The following DCC variants were observed in gnomAD, a reference collection of about 807,000 sequenced individuals.
DCC encodes the protein DCC netrin 1 receptor.
Under a neutral mutation model 172.5 loss-of-function variants are expected in DCC, and 58 were observed. The observed-to-expected ratio is 0.34, with a 90% CI of 0.27 to 0.42. DCC has a LOEUF of 0.42. DCC is among the 10% of genes least tolerant of loss of function. The pLI is 1.00. For synonymous variants in DCC, 709 were observed against 644.5 expected (o/e 1.10, Z -1.52); for missense variants, 1,740 against 1,791.0 (o/e 0.97, Z 0.51).
At chr18:52,958,085 G>T (rs144060126) in intron 5 of DCC, among the ~76,000 whole-genome samples, 2,041 of 152,222 alleles carry the variant, frequency 0.013, 60 homozygotes, top group African/African-American at 0.047. Context: ...AAAAAAAATG[G>T]AGTGGCACAT....
intron 12 of DCC, among the ~76,000 whole-genome samples, chr18:53,232,404 G>T (rs1281562753): frequency 6.6e-6 from 1 of 152,090 alleles, no homozygotes. Context: ...GATGTTGTGG[G>T]TGGTCACATT....
chr18:52,684,314 T>A (rs995376574), intron 1 of DCC, among the ~76,000 whole-genome samples: 1 of 152,078 alleles, frequency 6.6e-6, no homozygotes, highest in African/African-American at 2.4e-5. Flanking sequence ...AACCAGCAAT[T>A]TAAAAATGTG....
At chr18:53,223,777 T>C (rs374021005) in intron 12 of DCC, among the ~76,000 whole-genome samples, 20 of 152,182 alleles carry the variant, frequency 1.3e-4, no homozygotes, top group African/African-American at 4.8e-4. Flanking sequence ...AAAACAACTT[T>C]TAAAATGCAA....
chr18:52,832,735 T>C (rs908569136), intron 2 of DCC, among the ~76,000 whole-genome samples: 4 of 152,172 alleles, frequency 2.6e-5, no homozygotes, highest in African/African-American at 9.7e-5. Context: ...TGCAACTTCA[T>C]TGCCCTTTTA....
intron 14 of DCC, among the ~76,000 whole-genome samples, chr18:53,337,349 C>A (rs2057603220): frequency 6.6e-6 from 1 of 152,162 alleles, no homozygotes; most frequent in Non-Finnish European, 1.5e-5. Context: ...ATAGTTAGTG[C>A]AAACACTTCA....
At chr18:52,740,204 C>T (rs1158618258) in intron 1 of DCC, among the ~76,000 whole-genome samples, 3 of 152,082 alleles carry the variant, frequency 2.0e-5, no homozygotes, top group African/African-American at 7.2e-5. Context: ...CCCAAGTCTT[C>T]CCCCATGGAA....
At chr18:52,846,362 C>T (rs1375320953) in intron 2 of DCC, among the ~76,000 whole-genome samples, 3 of 151,656 alleles carry the variant, frequency 2.0e-5, no homozygotes, top group South Asian at 2.1e-4. Context: ...GGCAACATGG[C>T]GAATGCTTTC....
chr18:53,466,421 G>A (rs2045621738), intron 24 of DCC, among the ~76,000 whole-genome samples: 1 of 152,148 alleles, frequency 6.6e-6, no homozygotes. Flanking sequence ...TTGAGAAATA[G>A]CTTTGCTAGA....
intron 15 of DCC, among the ~76,000 whole-genome samples, chr18:53,358,056 T>C (rs2057897677): frequency 6.6e-6 from 1 of 152,188 alleles, no homozygotes. Flanking sequence ...AAATGCTTCT[T>C]ATTTATGTTG....
chr18:53,193,822 A>G (rs538995771), intron 9 of DCC, among the ~76,000 whole-genome samples: 3 of 152,322 alleles, frequency 2.0e-5, no homozygotes, highest in Non-Finnish European at 2.9e-5. Context: ...CAATAAATTG[A>G]TTCCCCGAAG....
intron 1 of DCC, among the ~76,000 whole-genome samples, chr18:52,576,645 T>C (rs1568237174): frequency 6.6e-6 from 1 of 151,910 alleles, no homozygotes; most frequent in Non-Finnish European, 1.5e-5. Flanking sequence ...CTGGCTAACA[T>C]AGTGAAACCC....
At chr18:52,452,225 T>C (rs1018944276) in intron 1 of DCC, among the ~76,000 whole-genome samples, 2 of 152,212 alleles carry the variant, frequency 1.3e-5, no homozygotes, top group African/African-American at 4.8e-5. Context: ...TTTAGTTCAA[T>C]GAGGTTCAGT....
At chr18:53,077,887 A>G (rs1209688865) in intron 7 of DCC, among the ~76,000 whole-genome samples, 1 of 152,186 alleles carries the variant, frequency 6.6e-6, no homozygotes, top group Non-Finnish European at 1.5e-5. Flanking sequence ...TTTAAAGTCT[A>G]GGATTCTGCC....
intron 5 of DCC, among the ~76,000 whole-genome samples, chr18:52,972,419 C>T (rs11876062): frequency 0.021 from 3,246 of 152,070 alleles, 57 homozygotes; most frequent in Admixed American, 0.039. Context: ...CAGATAAGCT[C>T]CACAGCCTCC....
rs183566050 is a variant in DCC, at chr18:53,482,093, C to T, written c.3737-4704C>T. On this transcript the variant is annotated intron_variant, in intron 25 of 28. Transcript: ENST00000442544. ...GTGTGTTTGTGTGTGTGTGTATTTCCGACTTTCAAAACTGACGTCAAGGGG... is the reference window on the plus strand; with the variant it reads ...GTGTGTTTGTGTGTGTGTGTATTTCTGACTTTCAAAACTGACGTCAAGGGG... Among the ~76,000 whole-genome samples the T allele has an allele frequency of 1.8e-3, 267 of 151,840 alleles. 3 individuals carry two copies. Among genetic ancestry groups the T allele is most frequent in the African/African-American group, 6.2e-3 (257 of 41,462 alleles).
Position 52,998,556 on chromosome 18 carries a change from T to A in DCC, c.986-64749T>A, listed in dbSNP as rs1204809955. On this transcript the variant is annotated intron_variant, in intron 5 of 28. Coordinates refer to ENST00000442544, the MANE Select transcript of DCC (RefSeq NM_005215.4). ...AAGCCAAGTAATCACCTGCCAGGAC[T>A]CCAGTATAATGGATCCCTTCATGGG... Among the ~76,000 whole-genome samples the A allele has an allele frequency of 2.0e-5, 3 of 152,056 alleles. No individual in the cohort carries two copies. The East Asian group carries it at 5.8e-4, about 29-fold the overall frequency.
intron 2 of DCC, among the ~76,000 whole-genome samples, chr18:52,771,902 A>C (rs1323422945): frequency 6.6e-6 from 1 of 151,882 alleles, no homozygotes; most frequent in African/African-American, 2.4e-5. Context: ...AGAAAGAACA[A>C]GGCCCAGGTG....
intron 1 of DCC, among the ~76,000 whole-genome samples, chr18:52,460,831 C>T (rs1988607290): frequency 6.6e-6 from 1 of 152,096 alleles, no homozygotes; most frequent in African/African-American, 2.4e-5. Context: ...ATGAATGGAG[C>T]TTACAGGACT....
intron 7 of DCC, among the ~76,000 whole-genome samples, chr18:53,082,914 G>C (rs1416099403): frequency 6.6e-6 from 1 of 151,814 alleles, no homozygotes; most frequent in Non-Finnish European, 1.5e-5. Flanking sequence ...CTCCTTTTGT[G>C]GATCCTGAAA....
Sources: gnomAD v4.1 joint callset for allele counts (sites outside exome capture counted in the v4.1 genomes callset) on GRCh38, gnomAD v4.1.1 for gene constraint, MANE v1.5 for transcripts, NCBI Gene and HGNC (gene_info 2026-07-23, HGNC 2026-07-21) for gene names.